The following SYNE1 variants were observed in gnomAD, a reference collection of about 807,000 sequenced individuals.
SYNE1 encodes nesprin-1.
Under a neutral mutation model 1,111.0 loss-of-function variants are expected in SYNE1, and 616 were observed. That is an observed-to-expected ratio of 0.55 (90% confidence interval 0.52 to 0.59). SYNE1 has a LOEUF of 0.59. Among genes scored for constraint, SYNE1 ranks in the 20% least tolerant of loss-of-function variants. The pLI, the probability that SYNE1 is intolerant of heterozygous loss-of-function variation, is 0.00. For missense variants in SYNE1, 10,006 were observed against 10,417.0 expected (o/e 0.96, Z 1.72); for synonymous variants, 3,855 against 3,825.8 (o/e 1.01, Z -0.28).
At position 152,541,072 on chromosome 6, in the gene SYNE1, G is replaced by A. The variant is rs540240209; in HGVS notation, c.68-1051C>T. Among the ~76,000 whole-genome samples the A allele has an allele frequency of 1.4e-4, 21 of 152,254 alleles. No homozygotes were observed. The South Asian group carries it at 3.3e-3, about 24-fold the overall frequency. On this transcript the variant is annotated intron_variant, in intron 3 of 145. Transcript: ENST00000367255. ...TGTTGCTTTAAACTTCAAGGTTTGC[G>A]GTACTTTGCTATGTAACAAGAGGAA...
intron 18 of SYNE1, chr6:152,464,805 G>C: frequency 4.0e-6 from 1 of 247,972 alleles, no homozygotes; most frequent in Admixed American, 5.2e-5. Flanking sequence ...TACCCAGAAT[G>C]AGACCCTTGC....
At position 152,325,237 on chromosome 6, in the gene SYNE1, T is replaced by C. The variant is rs889168479; in HGVS notation, c.15504A>G (p.Gln5168=). 1 of 1,614,166 alleles carries C rather than the reference T, an allele frequency of 6.2e-7. No homozygotes were observed. ...KIVALEEKAS[Q]LEKTGNDASK... The stretch of plus-strand genomic sequence containing the variant: ...TGGCATCATTTCCGGTTTTCTCCAG[T>C]TGTGAAGCTTTTTCCTCAAGGGCCA... Residue 5168 remains glutamine (Q), a synonymous_variant, in exon 81 of 146, where the codon CAA becomes CAG. Transcript: ENST00000367255.
chr6:152,210,488 T>C (rs996133011), intron 124 of SYNE1, among the ~76,000 whole-genome samples: 1 of 152,214 alleles, frequency 6.6e-6, no homozygotes. Flanking sequence ...ATAAATATAA[T>C]ATCACATTCT....
Position 152,403,598 on chromosome 6 carries a change from T to C in SYNE1, c.6825+615A>G, listed in dbSNP as rs901781885. Reference sequence around the variant, plus strand: ...TTAGCCTGCCATGGTGGCACGTGCCTGTAGTCTCAGCTACCAGGGAGGCTG... The same window carrying C: ...TTAGCCTGCCATGGTGGCACGTGCCCGTAGTCTCAGCTACCAGGGAGGCTG... On this transcript the variant is annotated intron_variant, in intron 46 of 145. Transcript: ENST00000367255. Among the ~76,000 whole-genome samples the C allele has an allele frequency of 7.9e-5, 12 of 152,172 alleles. 1 individual carries two copies. The highest frequency in any genetic ancestry group is 7.8e-4 in the Admixed American group (12 of 15,302).
At chr6:152,211,672 T>A in intron 123 of SYNE1, 84 bp from the exon 124 acceptor site, 3 of 1,199,660 alleles carry the variant, frequency 2.5e-6, no homozygotes, top group South Asian at 1.3e-5. Flanking sequence ...AATATTCTAG[T>A]TTTCGCAAGA....
intron 3 of SYNE1, among the ~76,000 whole-genome samples, chr6:152,597,156 T>A (rs1037544483): frequency 6.6e-6 from 1 of 152,238 alleles, no homozygotes; most frequent in Non-Finnish European, 1.5e-5. Flanking sequence ...CCAACAGACA[T>A]TTGATTTTTG....
intron 142 of SYNE1, chr6:152,134,778 T>C: frequency 3.3e-6 from 1 of 306,890 alleles, no homozygotes; most frequent in Non-Finnish European, 6.2e-6. Flanking sequence ...AATATACTTT[T>C]GGGCCATAGA....
intron 77 of SYNE1, among the ~76,000 whole-genome samples, chr6:152,332,110 G>A (rs1356964057): frequency 6.6e-6 from 1 of 152,166 alleles, no homozygotes; most frequent in Non-Finnish European, 1.5e-5. Context: ...AAGTAGCTGA[G>A]ATTACAGGCA....
chr6:152,143,788 C>G, intron 137 of SYNE1, 23 bp from the exon 138 acceptor site: 1 of 1,614,102 alleles, frequency 6.2e-7, no homozygotes, highest in Non-Finnish European at 8.5e-7. Context: ...CCATAAGAAT[C>G]TTTACTGGAC....
intron 5 of SYNE1, among the ~76,000 whole-genome samples, chr6:152,524,811 C>G (rs1307777766): frequency 2.6e-5 from 4 of 152,120 alleles, no homozygotes; most frequent in African/African-American, 9.7e-5. Context: ...TATGGGAACT[C>G]TATAAGACAT....
At chr6:152,494,655 C>T (rs2098989461) in intron 11 of SYNE1, among the ~76,000 whole-genome samples, 1 of 152,150 alleles carries the variant, frequency 6.6e-6, no homozygotes, top group African/African-American at 2.4e-5. Flanking sequence ...CCTAAATATG[C>T]CTTCCATATC....
intron 120 of SYNE1, among the ~76,000 whole-genome samples, 192 bp from the exon 121 acceptor site, chr6:152,218,595 C>T (rs1199268832): frequency 6.6e-6 from 1 of 152,114 alleles, no homozygotes; most frequent in African/African-American, 2.4e-5. Context: ...TTTCTAAAAA[C>T]TATAATTATT....
At chr6:152,603,299 T>C (rs1414024257) in intron 3 of SYNE1, among the ~76,000 whole-genome samples, 2 of 152,114 alleles carry the variant, frequency 1.3e-5, no homozygotes, top group African/African-American at 4.8e-5. Flanking sequence ...TTTTTTGGCC[T>C]CCCTCCCTGA....
At chr6:152,515,359 C>T (rs559367431) in intron 6 of SYNE1, among the ~76,000 whole-genome samples, 2 of 152,190 alleles carry the variant, frequency 1.3e-5, no homozygotes, top group Non-Finnish European at 2.9e-5. Context: ...AAATCCATTA[C>T]TGCTTTCCAC....
At chr6:152,312,535 C>G (rs1386289427) in intron 87 of SYNE1, among the ~76,000 whole-genome samples, 1 of 148,704 alleles carries the variant, frequency 6.7e-6, no homozygotes, top group East Asian at 1.9e-4. Flanking sequence ...ATTTTTAACA[C>G]ATAAATATAT....
Position 152,428,228 on chromosome 6 carries a change from C to T in SYNE1, c.4953G>A (p.Glu1651=), listed in dbSNP as rs1429504909. ...RRAKERQTAL[E]NLLAHWQRLE... ...ACCTCTGCCAGTGGGCCAGCAGATTCTCCAGCGCCGTCTGTCTCTCCTTCG... is the reference window on the plus strand; with the variant it reads ...ACCTCTGCCAGTGGGCCAGCAGATTTTCCAGCGCCGTCTGTCTCTCCTTCG... Residue 1651 remains glutamate (E), a synonymous_variant, in exon 37 of 146, where the codon GAG becomes GAA. Coordinates refer to ENST00000367255, the MANE Select transcript of SYNE1 (RefSeq NM_182961.4). 6.2e-7 allele frequency: 1 copy of T among 1,613,760 alleles called. No individual in the cohort carries two copies. The highest frequency in any genetic ancestry group is 1.7e-5 in the Admixed American group (1 of 60,028).
At chr6:152,477,009 A>G (rs976707066) in intron 14 of SYNE1, among the ~76,000 whole-genome samples, 11 of 152,250 alleles carry the variant, frequency 7.2e-5, no homozygotes, top group African/African-American at 2.7e-4. Flanking sequence ...GGAAATATAC[A>G]TAGGCACAGA....
Position 152,208,274 on chromosome 6 carries a change from T to C in SYNE1, c.22590-68A>G, listed in dbSNP as rs534211667. On this transcript the variant is annotated intron_variant, in intron 124 of 145. Transcript: ENST00000367255. ...TGGATGCAGTTACGCAATCAGCCAA[T>C]GTATACACTGTCAACAACCCTAAGC... 5.8e-5 allele frequency: 80 copies of C among 1,383,808 alleles called. No homozygotes were observed. The African/African-American group carries it at 9.2e-4, about 16-fold the overall frequency. 85.7% of individuals were successfully genotyped at this position (1,383,808 alleles called of 1,614,324 possible).
intron 140 of SYNE1, among the ~76,000 whole-genome samples, chr6:152,137,620 T>G (rs953355332): frequency 6.6e-6 from 1 of 152,156 alleles, no homozygotes; most frequent in Non-Finnish European, 1.5e-5. Flanking sequence ...TAATTGAGTA[T>G]CTAGGTACTG....
Sources: gnomAD v4.1 joint callset for allele counts (sites outside exome capture counted in the v4.1 genomes callset) on GRCh38, gnomAD v4.1.1 for gene constraint, MANE v1.5 for transcripts, NCBI Gene and HGNC (gene_info 2026-07-23, HGNC 2026-07-21) for gene names.